Variants in CTNND2 observed in about 807,000 individuals in gnomAD.
The protein encoded by CTNND2 is catenin delta 2, also known as catenin delta-2.
A neutral mutation model predicts 144.4 loss-of-function variants in CTNND2; 22 were observed. That is an observed-to-expected ratio of 0.15 (90% CI 0.11 to 0.22). The LOEUF (loss-of-function observed/expected upper bound fraction) is 0.22. CTNND2 is among the 10% of genes least tolerant of loss of function. The probability of loss-of-function intolerance (pLI) is 1.00; values close to 1 mark genes in which losing one functional copy is unlikely to be tolerated. For missense variants in CTNND2, 1,353 were observed against 1,618.8 expected, an observed-to-expected ratio of 0.84 and a Z score of 2.82; for synonymous variants, 751 against 695.6, an observed-to-expected ratio of 1.08 and a Z score of -1.25.
intron 1 of CTNND2, among the ~76,000 whole-genome samples, chr5:11,781,559 T>C (rs1790543009): frequency 6.6e-6 from 1 of 152,270 alleles, no homozygotes; most frequent in Admixed American, 6.5e-5. Context: ...AACTGCATGA[T>C]GTTCTTTGAA....
intron 1 of CTNND2, among the ~76,000 whole-genome samples, chr5:11,770,685 T>C (rs1433472250): frequency 6.6e-6 from 1 of 152,152 alleles, no homozygotes; most frequent in Non-Finnish European, 1.5e-5. Context: ...GAACCTGTCC[T>C]GGGACTGTTG....
chr5:11,834,848 A>G (rs745473538), intron 1 of CTNND2, among the ~76,000 whole-genome samples: 10 of 152,212 alleles, frequency 6.6e-5, no homozygotes, highest in Non-Finnish European at 1.3e-4. Context: ...AGAATATTTA[A>G]AAGTGGATGG....
At chr5:11,706,954 C>T (rs928485733) in intron 2 of CTNND2, among the ~76,000 whole-genome samples, 2 of 151,556 alleles carry the variant, frequency 1.3e-5, no homozygotes, top group Admixed American at 6.6e-5. Context: ...GGCGTTGTGG[C>T]GGGCGCCTGT....
intron 2 of CTNND2, among the ~76,000 whole-genome samples, chr5:11,686,298 C>T (rs1477868681): frequency 6.6e-6 from 1 of 152,042 alleles, no homozygotes; most frequent in Non-Finnish European, 1.5e-5. Context: ...AAAGAGGAGG[C>T]CATGGGTAAC....
intron 1 of CTNND2, among the ~76,000 whole-genome samples, chr5:11,902,413 A>C (rs1737985889): frequency 6.6e-6 from 1 of 152,138 alleles, no homozygotes; most frequent in Non-Finnish European, 1.5e-5. Flanking sequence ...ACACTTCTCC[A>C]TGGGATTTTA....
intron 1 of CTNND2, among the ~76,000 whole-genome samples, chr5:11,889,177 G>T (rs72736694): frequency 0.17 from 26,517 of 152,170 alleles, 2,860 homozygotes; most frequent in Admixed American, 0.25. Flanking sequence ...TAGACAGCAT[G>T]CAGAATGTCA....
chr5:11,256,825 T>A (rs2149944947), intron 9 of CTNND2, among the ~76,000 whole-genome samples: 1 of 152,288 alleles, frequency 6.6e-6, no homozygotes, highest in Admixed American at 6.5e-5. Context: ...TTTCTCAACC[T>A]CAGCACTACT....
At chr5:11,857,363 T>C (rs549228178) in intron 1 of CTNND2, among the ~76,000 whole-genome samples, 91 of 152,184 alleles carry the variant, frequency 6.0e-4, no homozygotes, top group Middle Eastern at 3.2e-3. Context: ...GAACAAGCCT[T>C]GTTTGTACAA....
At chr5:11,601,685 T>G (rs951388238) in intron 2 of CTNND2, among the ~76,000 whole-genome samples, 1 of 152,186 alleles carries the variant, frequency 6.6e-6, no homozygotes, top group Non-Finnish European at 1.5e-5. Context: ...TGGATTTACA[T>G]AAATTATCAC....
At chr5:11,551,776 T>C (rs891424026) in intron 3 of CTNND2, among the ~76,000 whole-genome samples, 2 of 152,092 alleles carry the variant, frequency 1.3e-5, no homozygotes, top group Non-Finnish European at 2.9e-5. Context: ...TTTTTTTGTA[T>C]TTTTAGTAGG....
At chr5:11,227,892 T>C (rs1380681649) in intron 10 of CTNND2, among the ~76,000 whole-genome samples, 1 of 152,222 alleles carries the variant, frequency 6.6e-6, no homozygotes, top group East Asian at 1.9e-4. Context: ...GGGTATGCCT[T>C]AGGTTATATT....
chr5:11,581,810 G>C (rs183676490), intron 2 of CTNND2, among the ~76,000 whole-genome samples: 1 of 152,190 alleles, frequency 6.6e-6, no homozygotes, highest in African/African-American at 2.4e-5. Flanking sequence ...TATGCTCAGC[G>C]ATGCAGCTTA....
intron 2 of CTNND2, among the ~76,000 whole-genome samples, chr5:11,665,408 G>C (rs1581690818): frequency 6.6e-6 from 1 of 152,218 alleles, no homozygotes; most frequent in East Asian, 1.9e-4. Flanking sequence ...TTACCATATA[G>C]CAAGATAGTT....
chr5:11,102,645 A>G lies in CTNND2; in HGVS notation c.2464-3897T>C, dbSNP rs548862660. Among the ~76,000 whole-genome samples the G allele has an allele frequency of 6.6e-5, 10 of 152,322 alleles. No homozygotes were observed. In the East Asian group the frequency reaches 1.7e-3, roughly 26 times the overall value. On this transcript the variant is annotated intron_variant, in intron 14 of 21. Coordinates refer to ENST00000304623, the MANE Select transcript of CTNND2 (RefSeq NM_001332.4). Reference sequence around the variant, plus strand: ...CAGTTTCTGTCATTCCATTTCTAAAACTGTATAGAATTGAAAATATGTATT... The same window carrying G: ...CAGTTTCTGTCATTCCATTTCTAAAGCTGTATAGAATTGAAAATATGTATT...
At chr5:11,377,735 C>T (rs1242812277) in intron 7 of CTNND2, among the ~76,000 whole-genome samples, 14 of 152,170 alleles carry the variant, frequency 9.2e-5, no homozygotes, top group Admixed American at 7.8e-4. Flanking sequence ...TGGGCCACCT[C>T]GCAATCCCAA....
At chr5:11,190,089 G>C (rs1736089711) in intron 11 of CTNND2, among the ~76,000 whole-genome samples, 1 of 152,226 alleles carries the variant, frequency 6.6e-6, no homozygotes, top group Non-Finnish European at 1.5e-5. Flanking sequence ...AGCTGGTTAG[G>C]AGATGACTTG....
intron 1 of CTNND2, among the ~76,000 whole-genome samples, chr5:11,775,863 G>A (rs773695406): frequency 5.3e-5 from 8 of 152,150 alleles, no homozygotes; most frequent in Non-Finnish European, 8.8e-5. Context: ...GATTAGAGTG[G>A]TGCTAATACA....
At chr5:11,009,657 T>A (rs942078406) in intron 18 of CTNND2, among the ~76,000 whole-genome samples, 2 of 152,138 alleles carry the variant, frequency 1.3e-5, no homozygotes, top group Non-Finnish European at 2.9e-5. Flanking sequence ...AGGGTTTGAT[T>A]CAAAAATGTT....
intron 9 of CTNND2, among the ~76,000 whole-genome samples, chr5:11,273,349 C>T (rs1005269741): frequency 6.6e-6 from 1 of 151,994 alleles, no homozygotes; most frequent in Admixed American, 6.6e-5. Flanking sequence ...GGGGAATACG[C>T]ACATCAGGTG....
Sources: gnomAD v4.1 joint callset for allele counts (sites outside exome capture counted in the v4.1 genomes callset) on GRCh38, gnomAD v4.1.1 for gene constraint, MANE v1.5 for transcripts, NCBI Gene and HGNC (gene_info 2026-07-23, HGNC 2026-07-21) for gene names.